OSBPL6: variants seen among roughly 807,000 people sequenced by gnomAD.
OSBPL6 encodes the protein oxysterol binding protein like 6.
OSBPL6 carries 49 observed loss-of-function variants against 125.8 expected under a neutral mutation model. The ratio of observed to expected loss-of-function variants is 0.39; its 90% CI spans 0.31 to 0.49. OSBPL6 has a LOEUF of 0.49. Ranked by LOEUF, OSBPL6 falls within the 20% of genes least tolerant of loss-of-function variation. The pLI, the probability that OSBPL6 is intolerant of heterozygous loss-of-function variation, is 0.88. For synonymous variants in OSBPL6, 394 were observed against 391.8 expected (o/e 1.01, Z -0.07); for missense variants, 986 against 1,135.4 (o/e 0.87, Z 1.89).
chr2:178,389,167 T>A lies in OSBPL6; in HGVS notation c.2301+14T>A. The A allele has an allele frequency of 6.2e-7, 1 of 1,611,198 alleles. No homozygotes were observed. The highest frequency in any genetic ancestry group is 1.3e-5 in the African/African-American group (1 of 74,980). On this transcript the variant is annotated intron_variant, in intron 21 of 24. Coordinates refer to ENST00000190611, the MANE Select transcript of OSBPL6 (RefSeq NM_032523.4). ...ACATTTGTCAAGGTAAATACTATCATACAACAGTAAAGGAAAATGAGTATA... is the reference window on the plus strand; with the variant it reads ...ACATTTGTCAAGGTAAATACTATCAAACAACAGTAAAGGAAAATGAGTATA...
At chr2:178,329,483 C>T (rs1222580899) in intron 5 of OSBPL6, among the ~76,000 whole-genome samples, 8 of 151,294 alleles carry the variant, frequency 5.3e-5, no homozygotes, top group Non-Finnish European at 8.8e-5. Flanking sequence ...GGCACAATCA[C>T]GGCTCATTGC....
Position 178,379,738 on chromosome 2 carries a change from G to A in OSBPL6, c.1534-2682G>A, listed in dbSNP as rs535765275. On this transcript the variant is annotated intron_variant, in intron 15 of 24. Transcript: ENST00000190611. ...AAGTTGGCTTTTCATGAGCCTGATG[G>A]TTTAACCTTCAGCTCTGCTGCAGTC... is the stretch of plus-strand genomic sequence containing the variant. Among the ~76,000 whole-genome samples the A allele has an allele frequency of 6.6e-5, 10 of 152,278 alleles. No individual in the cohort carries two copies. In the South Asian group the frequency reaches 2.1e-3, roughly 32 times the overall value.
rs1348600151 is a variant in OSBPL6 at position 178,399,560 on chromosome 2, A to G, written c.*4001A>G. 1 of 152,224 alleles carries G rather than the reference A, an allele frequency of 6.6e-6. No individual in the cohort carries two copies. Among genetic ancestry groups the G allele is most frequent in the Non-Finnish European group, 1.5e-5 (1 of 68,028 alleles). The allele number at this position is 152,224 out of a possible 1,614,324, so 9.4% of individuals were successfully genotyped here. A position where few individuals can be genotyped will look rare whatever the true frequency, so the allele number is the denominator to read the frequency against. ...GATCTAAAGAAGGAGGTCTTTAAAA[A>G]TTGTTGTGATGGACCAACATGTCCA... On this transcript the variant is annotated 3_prime_UTR_variant, in exon 25 of 25. Coordinates refer to ENST00000190611, the MANE Select transcript of OSBPL6 (RefSeq NM_032523.4).
chr2:178,311,424 A>T (rs1687259059), intron 3 of OSBPL6, among the ~76,000 whole-genome samples: 1 of 152,110 alleles, frequency 6.6e-6, no homozygotes, highest in Non-Finnish European at 1.5e-5. Context: ...ACCACCTGGC[A>T]TGTTATCTAT....
At chr2:178,394,194 T>C in intron 23 of OSBPL6, 119 bp from the exon 24 acceptor site, 4 of 1,300,396 alleles carry the variant, frequency 3.1e-6, no homozygotes, top group Non-Finnish European at 4.3e-6. Context: ...CAAGACTCCG[T>C]CCGTTACTGT....
chr2:178,323,289 T>C (rs190627143), intron 3 of OSBPL6, among the ~76,000 whole-genome samples: 2 of 152,352 alleles, frequency 1.3e-5, no homozygotes, highest in African/African-American at 2.4e-5. Flanking sequence ...GTTTTACATG[T>C]GTTAACTATT....
intron 1 of OSBPL6, among the ~76,000 whole-genome samples, chr2:178,228,979 A>G (rs760027597): frequency 2.0e-5 from 3 of 152,238 alleles, no homozygotes; most frequent in Non-Finnish European, 4.4e-5. Context: ...AAAGAGGTTT[A>G]TTTAGTTTAC....
At chr2:178,383,408 C>A in intron 17 of OSBPL6, 131 bp downstream of exon 17, 1 of 1,348,198 alleles carries the variant, frequency 7.4e-7, no homozygotes, top group Non-Finnish European at 9.8e-7. Context: ...AGGAATTGAT[C>A]TGTTTGCATA....
At chr2:178,245,449 A>G (rs1044694823) in intron 1 of OSBPL6, among the ~76,000 whole-genome samples, 1 of 152,206 alleles carries the variant, frequency 6.6e-6, no homozygotes, top group Non-Finnish European at 1.5e-5. Flanking sequence ...GTGTAGTGGT[A>G]TAGGACATAG....
chr2:178,231,638 ATTTTTTTTTTTTTT>A (rs71023433), intron 1 of OSBPL6, among the ~76,000 whole-genome samples: 1 of 84,588 alleles, frequency 1.2e-5, no homozygotes. Flanking sequence ...GGGTGGTCCC[ATTTTTTTTTTTTTT>A]TTTTTTTTTT....
intron 1 of OSBPL6, among the ~76,000 whole-genome samples, chr2:178,242,355 G>A (rs2091325036): frequency 6.6e-6 from 1 of 152,110 alleles, no homozygotes; most frequent in Non-Finnish European, 1.5e-5. Flanking sequence ...GTCTAGCTGA[G>A]CAGCCTACTT....
chr2:178,341,400 C>G (rs1454490652), intron 11 of OSBPL6, among the ~76,000 whole-genome samples: 1 of 150,780 alleles, frequency 6.6e-6, no homozygotes, highest in Admixed American at 6.6e-5. Flanking sequence ...GCCTCTCAGC[C>G]TGTGGTTTTA....
At chr2:178,290,693 C>G (rs1685177109) in intron 2 of OSBPL6, among the ~76,000 whole-genome samples, 1 of 152,064 alleles carries the variant, frequency 6.6e-6, no homozygotes, top group Admixed American at 6.6e-5. Flanking sequence ...GCATTCCATA[C>G]CCCAGTCTAA....
chr2:178,267,707 A>C (rs1367298856), intron 1 of OSBPL6, among the ~76,000 whole-genome samples: 1 of 152,174 alleles, frequency 6.6e-6, no homozygotes, highest in Non-Finnish European at 1.5e-5. Context: ...TGTATAAGAT[A>C]CTGCACTAGG....
At chr2:178,311,286 C>T (rs918121705) in intron 3 of OSBPL6, among the ~76,000 whole-genome samples, 7 of 152,146 alleles carry the variant, frequency 4.6e-5, no homozygotes, top group South Asian at 2.1e-4. Context: ...AGCCATCCCC[C>T]GGTTTGTCAT....
At chr2:178,223,047 G>C (rs2090409188) in intron 1 of OSBPL6, among the ~76,000 whole-genome samples, 1 of 151,816 alleles carries the variant, frequency 6.6e-6, no homozygotes, top group South Asian at 2.1e-4. Context: ...CTATTTTTTT[G>C]TTGTTGCCAT....
chr2:178,236,342 G>A (rs2091051531), intron 1 of OSBPL6, among the ~76,000 whole-genome samples: 1 of 152,156 alleles, frequency 6.6e-6, no homozygotes, highest in African/African-American at 2.4e-5. Context: ...GTAAAGTTTG[G>A]ATTTCACTTT....
rs1000723829 is a variant in OSBPL6 at position 178,402,402 on chromosome 2, T to C, written c.*6843T>C. On this transcript the variant is annotated 3_prime_UTR_variant, in exon 25 of 25. Coordinates refer to ENST00000190611, the MANE Select transcript of OSBPL6 (RefSeq NM_032523.4). ...TCCATTCTCTCTTAGGCTTTGTCTATGTCTCTAAGGGGAGTTTTTCAGTTG... is the reference window on the plus strand; with the variant it reads ...TCCATTCTCTCTTAGGCTTTGTCTACGTCTCTAAGGGGAGTTTTTCAGTTG... 5.9e-5 allele frequency: 9 copies of C among 152,210 alleles called. No homozygotes were observed. The highest frequency in any genetic ancestry group is 5.9e-4 in the Admixed American group (9 of 15,286). The allele number at this position is 152,210 out of a possible 1,614,324, so 9.4% of individuals were successfully genotyped here.
chr2:178,324,157 A>G lies in OSBPL6; in HGVS notation c.103-20A>G, dbSNP rs745474689. ...AAAGTGAGTTGTCTAACCCTGGGCT[A>G]TGTTTTCATTTATTTTCAGAGTATT... is the stretch of plus-strand genomic sequence containing the variant. On this transcript the variant is annotated intron_variant, in intron 3 of 24. Coordinates refer to ENST00000190611, the MANE Select transcript of OSBPL6 (RefSeq NM_032523.4). The G allele has an allele frequency of 4.1e-6, 6 of 1,459,730 alleles. No homozygotes were observed. In the African/African-American group the frequency reaches 5.5e-5, roughly 13 times the overall value. The allele number at this position is 1,459,730 out of a possible 1,614,324, so 90.4% of individuals were successfully genotyped here.
Sources: allele counts gnomAD v4.1 joint callset (sites outside exome capture counted in the v4.1 genomes callset), GRCh38; gene constraint gnomAD v4.1.1; transcripts MANE v1.5; gene names NCBI Gene and HGNC (gene_info 2026-07-23, HGNC 2026-07-21).